GPHN: variants seen among roughly 807,000 people sequenced by gnomAD.
GPHN encodes the protein gephyrin.
GPHN carries 17 observed loss-of-function variants against 95.5 expected under a neutral mutation model. The ratio of observed to expected loss-of-function variants is 0.18; its 90% CI spans 0.12 to 0.27. The LOEUF (loss-of-function observed/expected upper bound fraction) is 0.27, where lower values mean the gene tolerates loss of function less well. GPHN is among the 10% of genes least tolerant of loss of function. The pLI, the probability that GPHN is intolerant of heterozygous loss-of-function variation, is 1.00. For missense variants in GPHN, 660 were observed against 978.1 expected, an observed-to-expected ratio of 0.67 and a Z score of 4.34; for synonymous variants, 320 against 322.5, an observed-to-expected ratio of 0.99 and a Z score of 0.08.
the GPHN span, among the ~76,000 whole-genome samples, chr14:67,679,811 TTCAG>T: frequency 6.6e-6 from 1 of 152,208 alleles, no homozygotes; most frequent in Admixed American, 6.5e-5. Flanking sequence ...CTGGTAAGCA[TTCAG>T]TCAAAGTTTT....
chr14:67,033,125 A>G (rs2074266242), intron 10 of GPHN, among the ~76,000 whole-genome samples: 1 of 152,252 alleles, frequency 6.6e-6, no homozygotes, highest in African/African-American at 2.4e-5. Context: ...AAAGGATACA[A>G]TAACTGAATT....
At chr14:67,594,517 C>T in the GPHN span, among the ~76,000 whole-genome samples, 8 of 151,098 alleles carry the variant, frequency 5.3e-5, no homozygotes, top group East Asian at 1.2e-3. Context: ...CGTGTTGGCA[C>T]GTGCCTCTAG....
intron 2 of GPHN, among the ~76,000 whole-genome samples, chr14:66,744,146 A>G (rs529309540): frequency 8.8e-4 from 134 of 152,312 alleles, no homozygotes; most frequent in South Asian, 3.7e-3. Flanking sequence ...TTCTGCCTAT[A>G]ACCTGATTAT....
the GPHN span, chr14:67,674,337 G>C: frequency 6.5e-7 from 1 of 1,534,624 alleles, no homozygotes; most frequent in Admixed American, 2.1e-5. Context: ...AAGCGCGCAG[G>C]GCTGCGCTCC....
chr14:66,546,616 A>G lies in GPHN; in HGVS notation c.64+38025A>G, dbSNP rs546734693. 2.0e-4 allele frequency among the ~76,000 whole-genome samples: 31 copies of G among 152,256 alleles called. No homozygotes were observed. In the South Asian group the frequency reaches 6.4e-3, roughly 32 times the overall value. ...GAAACCCCGTCTCCACCAAAAAAAT[A>G]CGAAAACCAGTCAGGCGTGGCGGCG... On this transcript the variant is annotated intron_variant, in intron 1 of 22. Coordinates refer to ENST00000478722, the MANE Select transcript of GPHN (RefSeq NM_020806.5).
At chr14:67,272,429 A>C in the GPHN span, among the ~76,000 whole-genome samples, 1 of 151,996 alleles carries the variant, frequency 6.6e-6, no homozygotes, top group South Asian at 2.1e-4. Flanking sequence ...CTACTTCTGG[A>C]GTTGTAATGA....
the GPHN span, among the ~76,000 whole-genome samples, chr14:67,237,809 C>T: frequency 6.6e-6 from 1 of 152,150 alleles, no homozygotes; most frequent in Non-Finnish European, 1.5e-5. Context: ...TATTTAGTTA[C>T]AAATTTGTTA....
chr14:67,296,660 T>C, the GPHN span, among the ~76,000 whole-genome samples: 10 of 151,080 alleles, frequency 6.6e-5, no homozygotes, highest in Admixed American at 6.6e-4. Context: ...AAATTTATGC[T>C]ATGATGGATT....
intron 1 of GPHN, among the ~76,000 whole-genome samples, chr14:66,559,027 G>A (rs950289813): frequency 8.6e-5 from 13 of 151,948 alleles, no homozygotes; most frequent in African/African-American, 2.9e-4. Flanking sequence ...TGAGAATGAT[G>A]ATTTCCAATT....
chr14:67,206,776 G>T, the GPHN span, among the ~76,000 whole-genome samples: 1 of 151,960 alleles, frequency 6.6e-6, no homozygotes, highest in East Asian at 1.9e-4. Flanking sequence ...CGTTGCCCAG[G>T]CTGGAGTGCA....
chr14:67,473,936 G>C, the GPHN span: 1 of 1,589,718 alleles, frequency 6.3e-7, no homozygotes, highest in Non-Finnish European at 8.6e-7. The surrounding 1 kb of genome is among the most constrained non-coding windows in gnomAD (Gnocchi z 6.5). Context: ...CGCCGACTGG[G>C]GCTGGCTGCG....
chr14:66,692,143 C>T (rs2067821888), intron 2 of GPHN, among the ~76,000 whole-genome samples: 1 of 152,088 alleles, frequency 6.6e-6, no homozygotes, highest in Non-Finnish European at 1.5e-5. Flanking sequence ...ATAGTTAACT[C>T]CCAAATAAAG....
chr14:66,830,098 A>C (rs142646318), intron 4 of GPHN, among the ~76,000 whole-genome samples: 2 of 152,184 alleles, frequency 1.3e-5, no homozygotes, highest in Non-Finnish European at 2.9e-5. Context: ...ACAAGACCGC[A>C]TAGCCTATAA....
At chr14:67,342,889 C>A in the GPHN span, among the ~76,000 whole-genome samples, 1 of 151,978 alleles carries the variant, frequency 6.6e-6, no homozygotes, top group East Asian at 1.9e-4. Context: ...ACCATCAACA[C>A]TAAGCAGTCA....
At chr14:66,778,367 A>C (rs1443321301) in intron 3 of GPHN, among the ~76,000 whole-genome samples, 1 of 152,210 alleles carries the variant, frequency 6.6e-6, no homozygotes, top group African/African-American at 2.4e-5. Flanking sequence ...TGAAAACACG[A>C]TATGCCAATT....
At chr14:66,792,568 A>C (rs765270355) in intron 3 of GPHN, among the ~76,000 whole-genome samples, 13 of 152,258 alleles carry the variant, frequency 8.5e-5, no homozygotes, top group South Asian at 4.1e-4. Context: ...CCAAATAAAA[A>C]AGTTTGTTGT....
chr14:66,660,792 G>GCAGGA (rs2065597673), intron 1 of GPHN, among the ~76,000 whole-genome samples: 1 of 152,144 alleles, frequency 6.6e-6, no homozygotes, highest in Non-Finnish European at 1.5e-5. Context: ...ATGGAGAAGA[G>GCAGGA]CAGGACAGGG....
At chr14:66,636,756 A>C (rs117919801) in intron 1 of GPHN, among the ~76,000 whole-genome samples, 2,033 of 152,290 alleles carry the variant, frequency 0.013, 24 homozygotes, top group Middle Eastern at 0.02. Context: ...GGATTTCAGC[A>C]AAGTTTCTGA....
the GPHN span, among the ~76,000 whole-genome samples, chr14:67,322,606 A>G: frequency 6.6e-6 from 1 of 152,166 alleles, no homozygotes; most frequent in Non-Finnish European, 1.5e-5. Context: ...TTAGTGGACA[A>G]ATGCACTTAG....
Sources: gnomAD v4.1 joint callset for allele counts (sites outside exome capture counted in the v4.1 genomes callset) on GRCh38, gnomAD v4.1.1 for gene constraint, Gnocchi (gnomAD v3.1) non-coding constraint, MANE v1.5 for transcripts, NCBI Gene and HGNC (gene_info 2026-07-23, HGNC 2026-07-21) for gene names.